The following ME1 variants were observed in gnomAD, a reference collection of about 807,000 sequenced individuals.
ME1 encodes the protein NADP-dependent malic enzyme.
In ME1, 74 loss-of-function variants were observed where a neutral mutation model predicts 66.4. The ratio of observed to expected loss-of-function variants is 1.11; its 90% CI spans 0.92 to 1.35. The LOEUF (loss-of-function observed/expected upper bound fraction) is 1.35, where lower values mean the gene tolerates loss of function less well. ME1 is among the 40% of genes most tolerant of loss of function. The pLI is 0.00. For missense variants in ME1, 750 were observed against 694.1 expected, an observed-to-expected ratio of 1.08 and a Z score of -0.90; for synonymous variants, 251 against 235.6, an observed-to-expected ratio of 1.07 and a Z score of -0.60.
chr6:83,285,230 G>T (rs188008207), intron 6 of ME1, among the ~76,000 whole-genome samples: 6 of 152,090 alleles, frequency 3.9e-5, no homozygotes, highest in African/African-American at 1.2e-4. Context: ...AAATGGATTG[G>T]TTTTTCTCTC....
intron 5 of ME1, among the ~76,000 whole-genome samples, chr6:83,324,232 G>A (rs950289207): frequency 2.0e-5 from 3 of 151,790 alleles, no homozygotes; most frequent in Non-Finnish European, 4.4e-5. Context: ...ACAGGAGAAA[G>A]GGGGAAAGAT....
chr6:83,393,674 C>G (rs770550593), intron 3 of ME1, among the ~76,000 whole-genome samples: 10 of 151,720 alleles, frequency 6.6e-5, no homozygotes, highest in Admixed American at 5.3e-4. Flanking sequence ...TCGTTTGATT[C>G]AAGCCCTTCT....
At chr6:83,272,071 C>T (rs756074220) in intron 6 of ME1, among the ~76,000 whole-genome samples, 1 of 152,130 alleles carries the variant, frequency 6.6e-6, no homozygotes, top group Non-Finnish European at 1.5e-5. Flanking sequence ...TTTTCATGCA[C>T]AAAATGCACA....
chr6:83,367,020 A>G (rs1168099835), intron 3 of ME1, among the ~76,000 whole-genome samples: 2 of 152,228 alleles, frequency 1.3e-5, no homozygotes, highest in Non-Finnish European at 2.9e-5. Flanking sequence ...TTGAGAGTCA[A>G]AATTACTCCT....
chr6:83,265,491 A>G (rs1766972853), intron 6 of ME1, among the ~76,000 whole-genome samples: 1 of 151,924 alleles, frequency 6.6e-6, no homozygotes, highest in Non-Finnish European at 1.5e-5. Flanking sequence ...TGTAGAGACA[A>G]GGGCTCACTA....
intron 5 of ME1, among the ~76,000 whole-genome samples, chr6:83,342,012 C>G (rs1768594721): frequency 6.6e-6 from 1 of 152,172 alleles, no homozygotes. Flanking sequence ...TGTAACTCCA[C>G]TTTAGCCTCA....
chr6:83,269,727 C>G (rs191497576), intron 6 of ME1, among the ~76,000 whole-genome samples: 45 of 152,188 alleles, frequency 3.0e-4, no homozygotes, highest in Non-Finnish European at 4.9e-4. Context: ...CTCTTGTCCT[C>G]GGAGACTAGG....
At chr6:83,302,591 T>A (rs950522926) in intron 6 of ME1, among the ~76,000 whole-genome samples, 34 of 152,206 alleles carry the variant, frequency 2.2e-4, no homozygotes, top group Admixed American at 1.5e-3. Flanking sequence ...CAATACAGTG[T>A]GATACATGCT....
intron 9 of ME1, among the ~76,000 whole-genome samples, chr6:83,235,208 C>T (rs894960176): frequency 6.6e-5 from 10 of 152,168 alleles, no homozygotes; most frequent in Admixed American, 2.0e-4. Context: ...GGAGCATCAT[C>T]TCCTGTGCAC....
intron 3 of ME1, among the ~76,000 whole-genome samples, chr6:83,379,390 T>C (rs1248354723): frequency 2.0e-5 from 3 of 152,108 alleles, no homozygotes; most frequent in African/African-American, 7.2e-5. Flanking sequence ...ATAGTTTAAA[T>C]TATCACTTAG....
At chr6:83,281,806 CAAAAAAAAAAAAAAAAAAA>C (rs140157932) in intron 6 of ME1, among the ~76,000 whole-genome samples, 1 of 13,276 alleles carries the variant, frequency 7.5e-5, no homozygotes, top group African/African-American at 3.3e-4. Context: ...ACTCTGTCTC[CAAAAAAAAAAAAAAAAAAA>C]AAAAAAAAAA....
intron 6 of ME1, among the ~76,000 whole-genome samples, chr6:83,283,802 C>G (rs890344156): frequency 6.6e-6 from 1 of 152,058 alleles, no homozygotes; most frequent in African/African-American, 2.4e-5. Flanking sequence ...CTCAAATTAA[C>G]AATCTAACAT....
At chr6:83,287,427 G>A (rs922478320) in intron 6 of ME1, among the ~76,000 whole-genome samples, 8 of 152,146 alleles carry the variant, frequency 5.3e-5, no homozygotes, top group African/African-American at 1.9e-4. Context: ...TCTTGCGATA[G>A]TTTGCTGAGA....
At chr6:83,309,917 C>T (rs1369088096) in intron 6 of ME1, among the ~76,000 whole-genome samples, 1 of 151,916 alleles carries the variant, frequency 6.6e-6, no homozygotes, top group Non-Finnish European at 1.5e-5. Flanking sequence ...GTATGTTGGG[C>T]TTCAAATTTT....
At chr6:83,323,030 C>T (rs541199497) in intron 5 of ME1, among the ~76,000 whole-genome samples, 37 of 152,214 alleles carry the variant, frequency 2.4e-4, no homozygotes, top group South Asian at 6.2e-4. Context: ...AATTTTCAAC[C>T]CAGAATTTCA....
intron 5 of ME1, among the ~76,000 whole-genome samples, chr6:83,330,469 A>G (rs1768382830): frequency 6.6e-6 from 1 of 152,334 alleles, no homozygotes; most frequent in African/African-American, 2.4e-5. Context: ...ATTAAAATTT[A>G]GTTGTGATTC....
chr6:83,228,937 T>C lies in ME1; in HGVS notation c.1027-6A>G, dbSNP rs200766263. 17 of 1,580,364 alleles carry C rather than the reference T, an allele frequency of 1.1e-5. No individual in the cohort carries two copies. The highest frequency in any genetic ancestry group is 2.7e-5 in the African/African-American group (2 of 72,758). ...TGTGTTAAGGAAGCACGTCCCTAAG[T>C]AAAGCCAGTAAGAAAAAATTAAGAA... On this transcript the variant is annotated splice_region_variant and splice_polypyrimidine_tract_variant and intron_variant, in intron 9 of 13. Transcript: ENST00000369705.
chr6:83,369,778 G>C (rs1312393945), intron 3 of ME1, among the ~76,000 whole-genome samples: 2 of 152,026 alleles, frequency 1.3e-5, no homozygotes, highest in African/African-American at 4.8e-5. Context: ...AACTTGAGAG[G>C]AAGGAATATA....
intron 9 of ME1, 27 bp downstream of exon 9, chr6:83,237,690 T>C (rs370851325): frequency 7.3e-7 from 1 of 1,365,344 alleles, no homozygotes; most frequent in Non-Finnish European, 1.0e-6. Context: ...GTTATCTTTA[T>C]TCTGGTTAAA....
Sources: allele counts gnomAD v4.1 joint callset (sites outside exome capture counted in the v4.1 genomes callset), GRCh38; gene constraint gnomAD v4.1.1; transcripts MANE v1.5; gene names NCBI Gene and HGNC (gene_info 2026-07-23, HGNC 2026-07-21).